Variants in MAP3K20 observed in about 807,000 individuals in gnomAD.
The protein encoded by MAP3K20 is HCCS-4.
Under a neutral mutation model 85.7 loss-of-function variants are expected in MAP3K20, and 40 were observed. The ratio of observed to expected loss-of-function variants is 0.47; its 90% confidence interval spans 0.36 to 0.61. The LOEUF (loss-of-function observed/expected upper bound fraction) is 0.61. MAP3K20 is among the 20% of genes least tolerant of loss of function. The pLI is 0.00. For missense variants in MAP3K20, 817 were observed against 961.7 expected (o/e 0.85, Z 1.99); for synonymous variants, 325 against 327.7 (o/e 0.99, Z 0.09).
chr2:173,123,586 C>T (rs1443573561), intron 2 of MAP3K20, among the ~76,000 whole-genome samples: 21 of 152,182 alleles, frequency 1.4e-4, no homozygotes, highest in Admixed American at 1.4e-3. Flanking sequence ...AGAGGGCAAG[C>T]AACTTCCATG....
chr2:173,209,885 A>G, intron 10 of MAP3K20, 50 bp downstream of exon 10: 2 of 1,459,464 alleles, frequency 1.4e-6, no homozygotes, highest in South Asian at 1.1e-5. Context: ...AAAGACCATC[A>G]CTCGTCTCAA....
chr2:173,174,652 T>C (rs1320598630), intron 3 of MAP3K20, among the ~76,000 whole-genome samples: 1 of 152,210 alleles, frequency 6.6e-6, no homozygotes, highest in Non-Finnish European at 1.5e-5. Context: ...TTGTGAATAG[T>C]GCCACAATAA....
intron 11 of MAP3K20, chr2:173,226,707 T>C (rs2106326895): frequency 1.0e-6 from 1 of 985,836 alleles, no homozygotes; most frequent in African/African-American, 1.7e-5. Context: ...CATTAATTAT[T>C]TTATATTGTG....
chr2:173,126,510 G>T (rs1158742683), intron 2 of MAP3K20, among the ~76,000 whole-genome samples: 1 of 152,142 alleles, frequency 6.6e-6, no homozygotes, highest in Non-Finnish European at 1.5e-5. Flanking sequence ...CTCCCAAGTA[G>T]CTGGGACTAC....
chr2:173,127,073 A>G (rs3769192), intron 2 of MAP3K20, among the ~76,000 whole-genome samples: 42,016 of 152,160 alleles, frequency 0.28, 7,372 homozygotes, highest in Non-Finnish European at 0.39. Flanking sequence ...ATTCAATAAC[A>G]TTAGGATTCT....
At chr2:173,161,465 C>A (rs577556685) in intron 2 of MAP3K20, among the ~76,000 whole-genome samples, 1 of 152,186 alleles carries the variant, frequency 6.6e-6, no homozygotes, top group South Asian at 2.1e-4. Context: ...AACATAGGCT[C>A]TCCATAATTA....
intron 2 of MAP3K20, among the ~76,000 whole-genome samples, chr2:173,168,121 A>C (rs1235098311): frequency 1.5e-5 from 2 of 129,658 alleles, no homozygotes; most frequent in African/African-American, 5.0e-5. Context: ...ATAATAAATA[A>C]ACTTTATTAT....
At chr2:173,219,103 A>G (rs1000084344) in intron 11 of MAP3K20, among the ~76,000 whole-genome samples, 1 of 152,188 alleles carries the variant, frequency 6.6e-6, no homozygotes, top group Non-Finnish European at 1.5e-5. Flanking sequence ...TTATGTTCAG[A>G]TATTTTGTAA....
chr2:173,256,530 T>TAGACAGACAGACAGACAGACAGAC (rs1283624689), intron 16 of MAP3K20, among the ~76,000 whole-genome samples: 12 of 148,208 alleles, frequency 8.1e-5, no homozygotes, highest in South Asian at 4.3e-4. Context: ...GATAGATAGA[T>TAGACAGACAGACAGACAGACAGAC]AGACAGACAG....
At chr2:173,219,860 C>T (rs551970061) in intron 11 of MAP3K20, among the ~76,000 whole-genome samples, 6 of 151,888 alleles carry the variant, frequency 4.0e-5, no homozygotes, top group Admixed American at 2.6e-4. Flanking sequence ...CGAGGTCAGG[C>T]GTTCAAGACC....
At chr2:173,131,940 C>T (rs1688630143) in intron 2 of MAP3K20, among the ~76,000 whole-genome samples, 1 of 152,150 alleles carries the variant, frequency 6.6e-6, no homozygotes, top group Admixed American at 6.5e-5. Flanking sequence ...AGAGACATTC[C>T]TAATTTCATC....
Position 173,203,729 on chromosome 2 carries a change from G to A in MAP3K20, c.670-67G>A, listed in dbSNP as rs1416680167. 5.0e-6 allele frequency: 6 copies of A among 1,189,722 alleles called. No homozygotes were observed. In the East Asian group the frequency reaches 7.0e-5, roughly 14 times the overall value. The allele number at this position is 1,189,722 out of a possible 1,614,324, so 73.7% of individuals were successfully genotyped here. On this transcript the variant is annotated intron_variant, in intron 8 of 19. Transcript: ENST00000375213. ...AACTCTATTATGACCCTTCAGATAC[G>A]GTGTTTGCTGACATTAATGAATAAA...
intron 2 of MAP3K20, among the ~76,000 whole-genome samples, chr2:173,100,492 A>G (rs553592528): frequency 5.9e-5 from 9 of 152,302 alleles, no homozygotes; most frequent in African/African-American, 2.2e-4. Flanking sequence ...CGCAGTGGAC[A>G]TACCTCTCAT....
intron 14 of MAP3K20, among the ~76,000 whole-genome samples, chr2:173,233,102 G>A: frequency 6.6e-6 from 1 of 152,200 alleles, no homozygotes; most frequent in East Asian, 1.9e-4. Flanking sequence ...AATGACGGCT[G>A]TAAGAAATAC....
At chr2:173,173,154 CTGTGTGTGTGTGTGTGTGTGTGTG>C (rs57836780) in intron 3 of MAP3K20, among the ~76,000 whole-genome samples, 1 of 138,512 alleles carries the variant, frequency 7.2e-6, no homozygotes, top group Non-Finnish European at 1.6e-5. Context: ...TCTTTTATTT[CTGTGTGTGTGTGTGTGTGTGTGTG>C]TGTGTGTGTG....
intron 2 of MAP3K20, among the ~76,000 whole-genome samples, chr2:173,110,163 A>T (rs1574021332): frequency 7.1e-6 from 1 of 140,434 alleles, no homozygotes; most frequent in African/African-American, 2.6e-5. Context: ...ACAACTTGAT[A>T]TATATAAATA....
intron 10 of MAP3K20, among the ~76,000 whole-genome samples, chr2:173,213,528 G>A (rs910664384): frequency 6.6e-6 from 1 of 152,188 alleles, no homozygotes; most frequent in African/African-American, 2.4e-5. Flanking sequence ...CCAGATGCCT[G>A]TACTTCATTT....
At chr2:173,164,063 G>A (rs1364770308) in intron 2 of MAP3K20, among the ~76,000 whole-genome samples, 10 of 151,740 alleles carry the variant, frequency 6.6e-5, no homozygotes, top group South Asian at 2.1e-4. Flanking sequence ...AGGTTTAAAC[G>A]ATTCTCCTGC....
rs143432165 is a variant in MAP3K20 at position 173,102,050 on chromosome 2, C to T, written c.159+10860C>T. On this transcript the variant is annotated intron_variant, in intron 2 of 19. Coordinates refer to ENST00000375213, the MANE Select transcript of MAP3K20 (RefSeq NM_016653.3). ...CGGGGCCATATACAACAAATCTTACCTTCTTCCATGTATCAGCTTCTAGAG... is the reference window on the plus strand; with the variant it reads ...CGGGGCCATATACAACAAATCTTACTTTCTTCCATGTATCAGCTTCTAGAG... Among the ~76,000 whole-genome samples the T allele has an allele frequency of 2.6e-5, 4 of 152,268 alleles. No individual in the cohort carries two copies. The East Asian group carries it at 7.7e-4, about 29-fold the overall frequency.
Sources: allele counts gnomAD v4.1 joint callset (sites outside exome capture counted in the v4.1 genomes callset), GRCh38; gene constraint gnomAD v4.1.1; transcripts MANE v1.5; gene names NCBI Gene and HGNC (gene_info 2026-07-23, HGNC 2026-07-21).